The following NEDD4L variants were observed in gnomAD, a reference collection of about 807,000 sequenced individuals.
The protein encoded by NEDD4L is E3 ubiquitin-protein ligase NEDD4-like.
NEDD4L carries 54 observed loss-of-function variants against 148.9 expected under a neutral mutation model. That is an observed-to-expected ratio of 0.36 (90% CI 0.29 to 0.45). NEDD4L has a LOEUF of 0.45. NEDD4L is among the 20% of genes least tolerant of loss of function. NEDD4L has a pLI of 1.00. For missense variants in NEDD4L, 856 were observed against 1,233.8 expected (o/e 0.69, Z 4.59); for synonymous variants, 433 against 440.7 (o/e 0.98, Z 0.22).
chr18:58,311,843 G>C (rs192028497), intron 5 of NEDD4L, among the ~76,000 whole-genome samples: 1 of 152,182 alleles, frequency 6.6e-6, no homozygotes, highest in African/African-American at 2.4e-5. Flanking sequence ...CTCCCATCTG[G>C]GGAAATGCCC....
rs1029149697 is a variant in NEDD4L at position 58,044,600 on chromosome 18, C to A, written c.-61C>A. ...ACCTGGAGGCAGAGGGGAGAACCGG[C>A]CGTCCGCGCCGCAGCACAGCCGCTG... On this transcript the variant is annotated 5_prime_UTR_variant, in exon 1 of 31. Transcript: ENST00000400345. The A allele has an allele frequency of 9.9e-6, 15 of 1,521,536 alleles. No individual in the cohort carries two copies. The Admixed American group carries it at 3.1e-4, about 31-fold the overall frequency. 94.3% of individuals were successfully genotyped at this position (1,521,536 alleles called of 1,614,324 possible).
In NEDD4L at chr18:58,115,229, TTTTC is replaced by T. The variant is rs759228171; in HGVS notation, c.49-50543_49-50540del. ...TTCTTTTCTTTTTCATTCTTTTTTCTTTTCTTTCTTTCTTTCTTTTTTTTTTTTT... is the reference window on the plus strand; with the variant it reads ...TTCTTTTCTTTTTCATTCTTTTTTCTTTTCTTTCTTTCTTTTTTTTTTTTT... On this transcript the variant is annotated intron_variant, in intron 1 of 30. Transcript: ENST00000400345. 1.5e-4 allele frequency among the ~76,000 whole-genome samples: 23 copies of T among 149,112 alleles called. 1 individual carries two copies. The highest frequency in any genetic ancestry group is 3.4e-3 in the Middle Eastern group (1 of 292).
intron 5 of NEDD4L, among the ~76,000 whole-genome samples, chr18:58,299,271 A>G (rs1360296385): frequency 6.6e-6 from 1 of 152,250 alleles, no homozygotes; most frequent in Non-Finnish European, 1.5e-5. Flanking sequence ...CCTTTATCCA[A>G]GTGTCACCTC....
chr18:58,127,304 C>A (rs2031294732), intron 1 of NEDD4L, among the ~76,000 whole-genome samples: 1 of 152,232 alleles, frequency 6.6e-6, no homozygotes, highest in Non-Finnish European at 1.5e-5. Flanking sequence ...ATGTGGACGT[C>A]CCCGTCATCA....
chr18:58,131,452 G>A (rs1320321661), intron 1 of NEDD4L, among the ~76,000 whole-genome samples: 1 of 151,414 alleles, frequency 6.6e-6, no homozygotes, highest in Non-Finnish European at 1.5e-5. Context: ...TAGCAGAACT[G>A]TGGTGGTGTT....
chr18:58,086,151 T>C (rs1411617207), intron 1 of NEDD4L, among the ~76,000 whole-genome samples: 1 of 152,230 alleles, frequency 6.6e-6, no homozygotes, highest in African/African-American at 2.4e-5. Flanking sequence ...TTGAGCTCTG[T>C]AGAACATCTG....
In NEDD4L at chr18:58,244,988, G is replaced by GC. The variant is rs541652532; in HGVS notation, c.123-436dup. Among the ~76,000 whole-genome samples, 65 of 152,214 alleles carry GC rather than the reference G, an allele frequency of 4.3e-4. 1 individual carries two copies. In the South Asian group the frequency reaches 0.013, roughly 31 times the overall value. On this transcript the variant is annotated intron_variant, in intron 2 of 30. Transcript: ENST00000400345. ...TGGGATTACAGGTGTGAGCCACCTC[G>GC]CCCAGCCTTGATTTGGTTTTTAATC...
chr18:58,255,664 T>G (rs529057535), intron 5 of NEDD4L: 1 of 1,232,422 alleles, frequency 8.1e-7, no homozygotes, highest in East Asian at 3.2e-5. Flanking sequence ...TTCGGTTTCA[T>G]TTTGGCTCTG....
intron 2 of NEDD4L, among the ~76,000 whole-genome samples, chr18:58,236,461 C>T (rs1451905654): frequency 6.6e-6 from 1 of 152,192 alleles, no homozygotes; most frequent in African/African-American, 2.4e-5. Flanking sequence ...AGTGTCCTCC[C>T]AGACTCACTC....
chr18:58,310,915 A>G (rs1484275457), intron 5 of NEDD4L, among the ~76,000 whole-genome samples: 1 of 152,136 alleles, frequency 6.6e-6, no homozygotes, highest in African/African-American at 2.4e-5. Context: ...ACATACAAAG[A>G]TCTGATCATA....
At chr18:58,063,302 CT>C (rs1204398665) in intron 1 of NEDD4L, among the ~76,000 whole-genome samples, 3 of 151,900 alleles carry the variant, frequency 2.0e-5, no homozygotes. Context: ...GGCAGTCATC[CT>C]GCCTCAGCTT....
intron 1 of NEDD4L, among the ~76,000 whole-genome samples, chr18:58,055,637 ACTACGTTGGGAGTTGG>A (rs2082055506): frequency 6.6e-6 from 1 of 152,214 alleles, no homozygotes; most frequent in Non-Finnish European, 1.5e-5. Context: ...GGAGCTCACC[ACTACGTTGGGAGTTGG>A]AGAGATAGAG....
At chr18:58,376,850 G>C (rs1049145212) in intron 24 of NEDD4L, among the ~76,000 whole-genome samples, 1 of 152,172 alleles carries the variant, frequency 6.6e-6, no homozygotes, top group Non-Finnish European at 1.5e-5. Context: ...TGAATCACAG[G>C]CCCCACTGGG....
chr18:58,338,076 A>G lies in NEDD4L; in HGVS notation c.1125+2539A>G, dbSNP rs550672933. 2.6e-5 allele frequency among the ~76,000 whole-genome samples: 4 copies of G among 152,366 alleles called. No individual in the cohort carries two copies. The South Asian group carries it at 6.2e-4, about 24-fold the overall frequency. ...TCAAAGTGGTTATTTTTAAAAGCAT[A>G]TTGAAACTTCTGCAGTTTACAATCG... On this transcript the variant is annotated intron_variant, in intron 13 of 30. Coordinates refer to ENST00000400345, the MANE Select transcript of NEDD4L (RefSeq NM_001144967.3).
At position 58,044,723 on chromosome 18, in the gene NEDD4L, C is replaced by A; in HGVS notation, c.48+15C>A. ...CCGAAGACGAGGTGAGTGGCACCCC[C>A]TTCCTGCTCGGGACTCCCCGGGGAG... is the stretch of plus-strand genomic sequence containing the variant. On this transcript the variant is annotated intron_variant, in intron 1 of 30. Transcript: ENST00000400345. 1 of 1,604,530 alleles carries A rather than the reference C, an allele frequency of 6.2e-7. No homozygotes were observed. The highest frequency in any genetic ancestry group is 8.5e-7 in the Non-Finnish European group (1 of 1,175,586).
intron 2 of NEDD4L, among the ~76,000 whole-genome samples, chr18:58,180,232 G>A (rs74464503): frequency 0.019 from 2,927 of 152,294 alleles, 43 homozygotes; most frequent in Non-Finnish European, 0.029. Context: ...CCGGTGCCCA[G>A]AACCACCCCC....
intron 2 of NEDD4L, among the ~76,000 whole-genome samples, chr18:58,193,429 G>C (rs8084158): frequency 0.054 from 8,283 of 152,252 alleles, 730 homozygotes; most frequent in African/African-American, 0.19. Flanking sequence ...ACATTTGCCA[G>C]CTGTGGCACA....
intron 2 of NEDD4L, among the ~76,000 whole-genome samples, chr18:58,210,003 TAAA>T (rs930214630): frequency 6.6e-6 from 1 of 151,812 alleles, no homozygotes; most frequent in African/African-American, 2.4e-5. Flanking sequence ...CCATCCATAC[TAAA>T]AAAATACAAA....
At chr18:58,341,568 G>C in intron 14 of NEDD4L, 110 bp from the exon 15 acceptor site, 2 of 1,193,662 alleles carry the variant, frequency 1.7e-6, no homozygotes, top group Non-Finnish European at 2.4e-6. Context: ...GCTTTAAATA[G>C]GCCAGACCTC....
Sources: gnomAD v4.1 joint callset for allele counts (sites outside exome capture counted in the v4.1 genomes callset) on GRCh38, gnomAD v4.1.1 for gene constraint, MANE v1.5 for transcripts, NCBI Gene and HGNC (gene_info 2026-07-23, HGNC 2026-07-21) for gene names.